Variants in CIT observed in about 807,000 individuals in gnomAD.
CIT encodes the protein citron Rho-interacting kinase.
In CIT, 79 loss-of-function variants were observed where a neutral mutation model predicts 272.7. That is an observed-to-expected ratio of 0.29 (90% confidence interval 0.24 to 0.35). The LOEUF (loss-of-function observed/expected upper bound fraction) is 0.35, where lower values mean the gene tolerates loss of function less well. Among genes scored for constraint, CIT ranks in the 10% least tolerant of loss-of-function variants. CIT has a pLI of 1.00. For synonymous variants in CIT, 948 were observed against 995.6 expected, an observed-to-expected ratio of 0.95 and a Z score of 0.90; for missense variants, 1,909 against 2,618.3, an observed-to-expected ratio of 0.73 and a Z score of 5.91.
At chr12:119,873,268 C>CTT (rs59861360) in intron 2 of CIT, among the ~76,000 whole-genome samples, 27 of 136,964 alleles carry the variant, frequency 2.0e-4, no homozygotes, top group African/African-American at 5.9e-4. Context: ...TTTTCCTTTT[C>CTT]TTTTTTTTTT....
At chr12:119,734,902 C>T (rs975109560) in intron 25 of CIT, among the ~76,000 whole-genome samples, 2 of 152,082 alleles carry the variant, frequency 1.3e-5, no homozygotes, top group African/African-American at 4.8e-5. Flanking sequence ...CCTTCTGCCT[C>T]GGCCTCCCAA....
intron 6 of CIT, 63 bp from the exon 7 acceptor site, chr12:119,832,927 T>G: frequency 8.0e-7 from 1 of 1,253,986 alleles, no homozygotes. Context: ...AGTGCTAACC[T>G]AGAATCTCAA....
chr12:119,845,963 C>T (rs548038879), intron 5 of CIT, among the ~76,000 whole-genome samples: 2 of 151,636 alleles, frequency 1.3e-5, no homozygotes, highest in East Asian at 1.9e-4. Context: ...CACACACACA[C>T]ACACACACAC....
intron 9 of CIT, among the ~76,000 whole-genome samples, chr12:119,805,953 G>A (rs1005062844): frequency 1.1e-4 from 16 of 152,006 alleles, no homozygotes; most frequent in Non-Finnish European, 1.9e-4. Flanking sequence ...TGGCCAACAT[G>A]GTAAAACCCC....
chr12:119,828,795 T>C (rs1968369612), intron 7 of CIT, among the ~76,000 whole-genome samples: 1 of 152,190 alleles, frequency 6.6e-6, no homozygotes. Flanking sequence ...CTCAAACTCC[T>C]GACCTCAGGT....
intron 44 of CIT, 34 bp downstream of exon 44, chr12:119,700,711 C>T (rs1251554919): frequency 2.2e-6 from 3 of 1,378,496 alleles, no homozygotes; most frequent in Admixed American, 1.8e-5. Context: ...CAGCTGCTGG[C>T]AAAAGAGAAG....
At chr12:119,807,994 G>C (rs1463301397) in intron 9 of CIT, among the ~76,000 whole-genome samples, 1 of 152,036 alleles carries the variant, frequency 6.6e-6, no homozygotes, top group South Asian at 2.1e-4. Context: ...AGTGGCAGAG[G>C]CTATACAAGT....
chr12:119,700,574 G>A lies in CIT; in HGVS notation c.5623+171C>T, dbSNP rs977923236. On this transcript the variant is annotated intron_variant, in intron 44 of 47. Coordinates refer to ENST00000392521, the MANE Select transcript of CIT (RefSeq NM_001206999.2). ...ATTTTTGTATTTTTAGTAGAAATGGGGTTTCGCCATGTTGGTCAGGCTGGG... is the reference window on the plus strand; with the variant it reads ...ATTTTTGTATTTTTAGTAGAAATGGAGTTTCGCCATGTTGGTCAGGCTGGG... The A allele has an allele frequency of 1.7e-5, 10 of 583,574 alleles. No individual in the cohort carries two copies. The African/African-American group carries it at 1.9e-4, about 11-fold the overall frequency. 36.1% of individuals were successfully genotyped at this position (583,574 alleles called of 1,614,324 possible).
chr12:119,804,118 C>A lies in CIT; in HGVS notation c.1112-729G>T. On this transcript the variant is annotated intron_variant, in intron 9 of 47. Coordinates refer to ENST00000392521, the MANE Select transcript of CIT (RefSeq NM_001206999.2). The surrounding 1 kb of genome is among the most constrained non-coding windows in gnomAD (Gnocchi z 5.3). ...CTACCGGTGATCTACAGCACCCCTG[C>A]GCGCTGACGGTGGGAATGCACGGAT... is the stretch of plus-strand genomic sequence containing the variant. 1.0e-6 allele frequency: 1 copy of A among 965,816 alleles called. No homozygotes were observed. 59.8% of individuals were successfully genotyped at this position (965,816 alleles called of 1,614,324 possible).
At chr12:119,748,728 T>C (rs1227301937) in intron 23 of CIT, among the ~76,000 whole-genome samples, 4 of 152,224 alleles carry the variant, frequency 2.6e-5, no homozygotes, top group African/African-American at 9.6e-5. Context: ...TTCATTAGTG[T>C]CTCTAGCTTT....
chr12:119,777,619 G>A (rs1199767920), intron 13 of CIT, among the ~76,000 whole-genome samples: 2 of 150,930 alleles, frequency 1.3e-5, no homozygotes, highest in African/African-American at 2.4e-5. Flanking sequence ...GCAGTGAGCC[G>A]AGATCGCGCC....
At chr12:119,796,083 CACTAT>C (rs1965708471) in intron 10 of CIT, among the ~76,000 whole-genome samples, 1 of 152,230 alleles carries the variant, frequency 6.6e-6, no homozygotes, top group South Asian at 2.1e-4. Flanking sequence ...GGCCAGACAA[CACTAT>C]TGAAGTGATT....
intron 19 of CIT, among the ~76,000 whole-genome samples, chr12:119,762,923 G>A (rs1961990562): frequency 6.6e-6 from 1 of 152,178 alleles, no homozygotes; most frequent in Non-Finnish European, 1.5e-5. Context: ...TTGTACACCT[G>A]TAATCCCAGC....
chr12:119,702,077 C>T, intron 41 of CIT, 119 bp from the exon 42 acceptor site: 1 of 726,714 alleles, frequency 1.4e-6, no homozygotes, highest in Non-Finnish European at 2.4e-6. Flanking sequence ...TGTCACCAAG[C>T]TTGTTCACGT....
intron 10 of CIT, among the ~76,000 whole-genome samples, chr12:119,792,122 C>G (rs1965360951): frequency 6.6e-6 from 1 of 152,194 alleles, no homozygotes; most frequent in Non-Finnish European, 1.5e-5. Context: ...GTTGAATACT[C>G]TTTAATCACT....
intron 46 of CIT, among the ~76,000 whole-genome samples, chr12:119,695,987 T>C (rs1377024878): frequency 6.6e-6 from 1 of 152,222 alleles, no homozygotes; most frequent in African/African-American, 2.4e-5. Context: ...TTTTCAAATA[T>C]TTTCAATCCA....
intron 39 of CIT, among the ~76,000 whole-genome samples, chr12:119,709,958 A>C (rs1278415091): frequency 6.6e-6 from 1 of 152,176 alleles, no homozygotes; most frequent in Non-Finnish European, 1.5e-5. Context: ...TTTCGTTGCA[A>C]TCAGGACAAA....
intron 5 of CIT, among the ~76,000 whole-genome samples, chr12:119,839,896 A>G (rs915767264): frequency 6.6e-6 from 1 of 152,220 alleles, no homozygotes; most frequent in African/African-American, 2.4e-5. Context: ...GGATGTGTAC[A>G]CTATTACTGA....
At chr12:119,862,838 AAAGAAAAAACC>A (rs1950392640) in intron 3 of CIT, among the ~76,000 whole-genome samples, 1 of 135,400 alleles carries the variant, frequency 7.4e-6, no homozygotes, top group African/African-American at 3.1e-5. Context: ...AAAAAAAAAA[AAAGAAAAAACC>A]AAAAAAAAAA....
Sources: allele counts gnomAD v4.1 joint callset (sites outside exome capture counted in the v4.1 genomes callset), GRCh38; gene constraint gnomAD v4.1.1; non-coding constraint Gnocchi (gnomAD v3.1); transcripts MANE v1.5; gene names NCBI Gene and HGNC (gene_info 2026-07-23, HGNC 2026-07-21).